ANPEP: variants seen among roughly 807,000 people sequenced by gnomAD.
ANPEP encodes the protein aminopeptidase N.
A neutral mutation model predicts 114.6 loss-of-function variants in ANPEP; 70 were observed. The ratio of observed to expected loss-of-function variants is 0.61; its 90% CI spans 0.50 to 0.75. The LOEUF (loss-of-function observed/expected upper bound fraction) is 0.75. Ranked by LOEUF, ANPEP falls within the 30% of genes least tolerant of loss-of-function variation. The probability of loss-of-function intolerance (pLI) is 0.00; values close to 1 mark genes in which losing one functional copy is unlikely to be tolerated. For missense variants in ANPEP, 1,184 were observed against 1,259.5 expected, an observed-to-expected ratio of 0.94 and a Z score of 0.91; for synonymous variants, 548 against 522.3, an observed-to-expected ratio of 1.05 and a Z score of -0.67.
rs746810178 is a variant in ANPEP at position 89,797,595 on chromosome 15, C to T, written c.2137G>A (p.Glu713Lys). ...SYFKLMFDRS[E>K]VYGPMKNYLK... ...CGTACCTTCATGGGGCCATAGACCT[C>T]GGAGCGGTCAAACATGAGCTTGAAG... The change falls in exon 15 of 21, where the codon GAG becomes AAG. Residue 713 changes from glutamate (E) to lysine (K), a missense_variant. By Grantham distance (56) the Glu-to-Lys change is moderately conservative. Transcript: ENST00000300060. 31 of 1,613,984 alleles carry T rather than the reference C, an allele frequency of 1.9e-5. No individual in the cohort carries two copies. In the Admixed American group the frequency reaches 4.0e-4, roughly 21 times the overall value.
At position 89,792,234 on chromosome 15, in the gene ANPEP, AT is replaced by A; in HGVS notation, c.2453del (p.Asn818MetfsTer24). 8 of 1,614,178 alleles carry A rather than the reference AT, an allele frequency of 5.0e-6. No homozygotes were observed. Among genetic ancestry groups the A allele is most frequent in the Non-Finnish European group, 6.8e-6 (8 of 1,180,030 alleles). On this transcript the variant is annotated frameshift_variant, in exon 18 of 21. Coordinates refer to ENST00000300060, the MANE Select transcript of ANPEP (RefSeq NM_001150.3). LOFTEE classifies it high-confidence loss of function. ...TGTCAGCCTCATTGACCAGTGTGGC[AT>A]TTCGGAACTGCTCCCAGGCGAAGTC... ...EWDFAWEQFRNATLVNEADKL... is the reference protein window; with the variant it reads ...EWDFAWEQFRXATLVNEADKL...
rs776954707 is a variant in ANPEP at position 89,799,118 on chromosome 15, G to A, written c.2009+142C>T. The A allele has an allele frequency of 1.4e-5, 12 of 871,172 alleles. No individual in the cohort carries two copies. Among genetic ancestry groups the A allele is most frequent in the Admixed American group, 4.3e-5 (2 of 46,110 alleles). 54.0% of individuals were successfully genotyped at this position (871,172 alleles called of 1,614,324 possible). ...AATGGGTGTGTGGGGACCCAGGGAG[G>A]GACGTCCAGGGAGCACAGGAGCTCA... On this transcript the variant is annotated intron_variant, in intron 14 of 20. Transcript: ENST00000300060. The surrounding 1 kb of genome is among the most constrained non-coding windows in gnomAD (Gnocchi z 4.2).
chr15:89,793,264 C>T lies in ANPEP; in HGVS notation c.2158-138G>A, dbSNP rs918331376. On this transcript the variant is annotated intron_variant, in intron 15 of 20. Coordinates refer to ENST00000300060, the MANE Select transcript of ANPEP (RefSeq NM_001150.3). ...GCCTCACCTGAGGCCAAACAGTGCT[C>T]AAAGGGGCCCATAGAAGTCTAGAGT... 10 of 660,534 alleles carry T rather than the reference C, an allele frequency of 1.5e-5. No homozygotes were observed. The African/African-American group carries it at 1.8e-4, about 12-fold the overall frequency. 40.9% of individuals were successfully genotyped at this position (660,534 alleles called of 1,614,324 possible). A position where few individuals can be genotyped will look rare whatever the true frequency, so the allele number is the denominator to read the frequency against.
At chr15:89,805,669 C>T (rs62019025) in intron 2 of ANPEP, among the ~76,000 whole-genome samples, 96 of 152,310 alleles carry the variant, frequency 6.3e-4, no homozygotes, top group South Asian at 1.7e-3. Context: ...CTTCTGGATT[C>T]GGGGTGCCAG....
rs530840698 is a variant in ANPEP at position 89,798,740 on chromosome 15, G to A, written c.2009+520C>T. ...GTGGATCACAAGGTCAGGAGTGCGA[G>A]ACCAGCCTGACCAACATGGTGAAAC... On this transcript the variant is annotated intron_variant, in intron 14 of 20. Transcript: ENST00000300060. Among the ~76,000 whole-genome samples the A allele has an allele frequency of 5.9e-5, 9 of 151,758 alleles. No individual in the cohort carries two copies. The East Asian group carries it at 1.7e-3, about 29-fold the overall frequency.
At chr15:89,809,221 G>C (rs1894777415) in intron 1 of ANPEP, among the ~76,000 whole-genome samples, 1 of 152,214 alleles carries the variant, frequency 6.6e-6, no homozygotes, top group African/African-American at 2.4e-5. Context: ...GCACCCCCCA[G>C]GCTGGCACTG....
Position 89,803,363 on chromosome 15 carries a change from T to C in ANPEP, c.1504-59A>G. ...TGGAGCCCCCCAGGCTCCCCCTCTG[T>C]GGTGGGCAGAGGCCCGGGTCAAGGG... is the stretch of plus-strand genomic sequence containing the variant. On this transcript the variant is annotated intron_variant, in intron 9 of 20. Transcript: ENST00000300060. This position sits in a 1 kb window ranked among gnomAD's most constrained non-coding sequence, Gnocchi z 4.2. The C allele has an allele frequency of 6.2e-7, 1 of 1,612,740 alleles. No individual in the cohort carries two copies. The highest frequency in any genetic ancestry group is 1.1e-5 in the South Asian group (1 of 91,052).
chr15:89,801,202 C>T lies in ANPEP; in HGVS notation c.1743-15G>A. 6.2e-7 allele frequency: 1 copy of T among 1,613,818 alleles called. No individual in the cohort carries two copies. The highest frequency in any genetic ancestry group is 8.5e-7 in the Non-Finnish European group (1 of 1,179,880). Reference sequence around the variant, plus strand: ...TCCACACGTAGCTGCAATTAAAGATCCAGAGGTGGTGAGAGATGGCGGTGT... The same window carrying T: ...TCCACACGTAGCTGCAATTAAAGATTCAGAGGTGGTGAGAGATGGCGGTGT... On this transcript the variant is annotated splice_polypyrimidine_tract_variant and intron_variant, in intron 11 of 20. Transcript: ENST00000300060.
chr15:89,794,809 T>G (rs1407326147), intron 15 of ANPEP, among the ~76,000 whole-genome samples: 1 of 151,914 alleles, frequency 6.6e-6, no homozygotes, highest in Admixed American at 6.6e-5. Context: ...AGAATGGGAG[T>G]ACTACCAGCC....
chr15:89,797,457 T>G lies in ANPEP; in HGVS notation c.2157+118A>C, dbSNP rs371689275. ...TTTCTTTTTTTTTGGTTTTTTGTTT[T>G]GCTTTTGAAGGTTCCCTGACCAGGA... is the stretch of plus-strand genomic sequence containing the variant. On this transcript the variant is annotated intron_variant, in intron 15 of 20. Transcript: ENST00000300060. 3.7e-5 allele frequency: 52 copies of G among 1,396,988 alleles called. 1 individual carries two copies. The Middle Eastern group carries it at 5.9e-4, about 16-fold the overall frequency. 86.5% of individuals were successfully genotyped at this position (1,396,988 alleles called of 1,614,324 possible).
intron 1 of ANPEP, among the ~76,000 whole-genome samples, chr15:89,812,200 T>A (rs1023016804): frequency 1.3e-5 from 2 of 152,224 alleles, no homozygotes; most frequent in African/African-American, 4.8e-5. Flanking sequence ...GTGTTATCCA[T>A]GCTCCATCCC....
chr15:89,806,416 G>A lies in ANPEP; in HGVS notation c.168C>T (p.Thr56=), dbSNP rs749580594. The A allele has an allele frequency of 1.3e-5, 21 of 1,613,980 alleles. No homozygotes were observed. Among genetic ancestry groups the A allele is most frequent in the Non-Finnish European group, 1.6e-5 (19 of 1,180,008 alleles). The part of the protein sequence containing the change: ...VASTTPSASA[T]TNPASATTLD... ...AGGTGGTGGCCGAGGCGGGGTTGGT[G>A]GTGGCTGAGGCGGACGGGGTGGTGG... The change falls in exon 2 of 21, where the codon ACC becomes ACT. Residue 56 remains threonine (T), a synonymous_variant. Coordinates refer to ENST00000300060, the MANE Select transcript of ANPEP (RefSeq NM_001150.3). The surrounding 1 kb of genome is among the most constrained non-coding windows in gnomAD (Gnocchi z 5.7).
At chr15:89,805,285 C>T (rs1450767008) in intron 3 of ANPEP, 36 bp downstream of exon 3, 5 of 1,612,782 alleles carry the variant, frequency 3.1e-6, no homozygotes, top group Non-Finnish European at 4.2e-6. Context: ...GGGTGCCTGC[C>T]CCCTGGCCCT....
At chr15:89,790,848 G>A in intron 19 of ANPEP, 105 bp downstream of exon 19, 1 of 1,425,100 alleles carries the variant, frequency 7.0e-7, no homozygotes, top group Non-Finnish European at 9.5e-7. Flanking sequence ...GCTGATTTTT[G>A]TCCACTTCTG....
At chr15:89,804,930 A>G in intron 4 of ANPEP, 148 bp downstream of exon 4, 1 of 1,169,294 alleles carries the variant, frequency 8.6e-7, no homozygotes, top group South Asian at 1.5e-5. Flanking sequence ...GGAGAACCAG[A>G]GAACAAGACA....
rs554956817 is a variant in ANPEP at position 89,807,400 on chromosome 15, A to G, written c.-223-594T>C. 9.2e-5 allele frequency among the ~76,000 whole-genome samples: 14 copies of G among 152,342 alleles called. No homozygotes were observed. In the South Asian group the frequency reaches 2.5e-3, roughly 27 times the overall value. On this transcript the variant is annotated intron_variant, in intron 1 of 20. Transcript: ENST00000300060. The stretch of plus-strand genomic sequence containing the variant: ...AACATATTAAACACCAAATAGTAGA[A>G]TGATTAAAAATCATTCCCGGCTGGG...
rs529354812 is a variant in ANPEP, at chr15:89,802,232, G to A, written c.1570-625C>T. On this transcript the variant is annotated intron_variant, in intron 10 of 20. Coordinates refer to ENST00000300060, the MANE Select transcript of ANPEP (RefSeq NM_001150.3). ...GAACCAGCTGGGGGCTGCCGGCCGA[G>A]GGTCTCAGGAAAGAGGAGTGAGAGG... Among the ~76,000 whole-genome samples, 21 of 152,274 alleles carry A rather than the reference G, an allele frequency of 1.4e-4. No homozygotes were observed. In the South Asian group the frequency reaches 2.7e-3, roughly 20 times the overall value.
chr15:89,801,518 C>A lies in ANPEP; in HGVS notation c.1659G>T (p.Thr553=), dbSNP rs765294537. The change falls in exon 11 of 21, where the codon ACG becomes ACT. Residue 553 remains threonine (T), a synonymous_variant. Coordinates refer to ENST00000300060, the MANE Select transcript of ANPEP (RefSeq NM_001150.3). Reference sequence around the variant, plus strand: ...AAAGGGTCCCCGTGCTGGTATCCACCGTGATGACCGGGAAGCCCATCTGCA... The same window carrying A: ...AAAGGGTCCCCGTGCTGGTATCCACAGTGATGACCGGGAAGCCCATCTGCA... ...WTLQMGFPVI[T]VDTSTGTLSQ... 4 of 1,614,216 alleles carry A rather than the reference C, an allele frequency of 2.5e-6. No homozygotes were observed. In the South Asian group the frequency reaches 4.4e-5, roughly 18 times the overall value.
At chr15:89,798,498 A>T (rs956655578) in intron 14 of ANPEP, among the ~76,000 whole-genome samples, 9 of 152,032 alleles carry the variant, frequency 5.9e-5, no homozygotes, top group Non-Finnish European at 1.2e-4. Context: ...TCAGCTGGGC[A>T]TGGTGGCACA....
Sources: gnomAD v4.1 joint callset for allele counts (sites outside exome capture counted in the v4.1 genomes callset) on GRCh38, gnomAD v4.1.1 for gene constraint, Gnocchi (gnomAD v3.1) non-coding constraint, MANE v1.5 for transcripts, NCBI Gene and HGNC (gene_info 2026-07-23, HGNC 2026-07-21) for gene names.